The following CSNK1A1 variants were observed in gnomAD, a reference collection of about 807,000 sequenced individuals.
The protein encoded by CSNK1A1 is casein kinase 1 alpha 1.
A neutral mutation model predicts 46.1 loss-of-function variants in CSNK1A1; 7 were observed. The observed-to-expected ratio is 0.15, with a 90% confidence interval of 0.09 to 0.29. The LOEUF (loss-of-function observed/expected upper bound fraction) is 0.29, where lower values mean the gene tolerates loss of function less well. Ranked by LOEUF, CSNK1A1 falls within the 10% of genes least tolerant of loss-of-function variation. The pLI, the probability that CSNK1A1 is intolerant of heterozygous loss-of-function variation, is 1.00. For missense variants in CSNK1A1, 96 were observed against 417.1 expected, an observed-to-expected ratio of 0.23 and a Z score of 6.71; for synonymous variants, 137 against 141.5, an observed-to-expected ratio of 0.97 and a Z score of 0.23.
chr5:149,530,922 C>T (rs1205695287), intron 2 of CSNK1A1, among the ~76,000 whole-genome samples: 2 of 143,648 alleles, frequency 1.4e-5, no homozygotes, highest in East Asian at 2.1e-4. Flanking sequence ...GCTGAGATCT[C>T]GCCATTGCAC....
chr5:149,550,409 T>C lies in CSNK1A1; in HGVS notation c.124-228A>G, dbSNP rs1489245670. On this transcript the variant is annotated intron_variant, in intron 1 of 9. Coordinates refer to ENST00000377843, the MANE Select transcript of CSNK1A1 (RefSeq NM_001892.6). This position sits in a 1 kb window ranked among gnomAD's most constrained non-coding sequence, Gnocchi z 4.3. ...CTCTAAAGTGCAGGAAAATGATTCATCCAGAAAAAAGAGGCAACCTCTGAA... is the reference window on the plus strand; with the variant it reads ...CTCTAAAGTGCAGGAAAATGATTCACCCAGAAAAAAGAGGCAACCTCTGAA... 3.9e-6 allele frequency: 5 copies of C among 1,298,208 alleles called. No homozygotes were observed. The highest frequency in any genetic ancestry group is 3.0e-5 in the East Asian group (1 of 33,212). The allele number at this position is 1,298,208 out of a possible 1,614,324, so 80.4% of individuals were successfully genotyped here. A position where few individuals can be genotyped will look rare whatever the true frequency, so the allele number is the denominator to read the frequency against.
At chr5:149,543,321 G>C (rs568218025) in intron 2 of CSNK1A1, among the ~76,000 whole-genome samples, 3 of 152,214 alleles carry the variant, frequency 2.0e-5, no homozygotes, top group East Asian at 3.9e-4. Context: ...GTATTAGTAG[G>C]AATAGGGCTA....
chr5:149,499,975 T>TC (rs1372767922), intron 9 of CSNK1A1, among the ~76,000 whole-genome samples: 9 of 125,092 alleles, frequency 7.2e-5, no homozygotes, highest in African/African-American at 2.6e-4. Flanking sequence ...TTCTTTTTTT[T>TC]TTTTTTTTTT....
intron 9 of CSNK1A1, chr5:149,499,220 T>A: frequency 1.0e-6 from 1 of 981,250 alleles, no homozygotes; most frequent in Non-Finnish European, 1.2e-6. Context: ...AGGTGGCTCA[T>A]CCAGGCTTCC....
chr5:149,533,282 G>A lies in CSNK1A1; in HGVS notation c.231-8111C>T, dbSNP rs566526818. Among the ~76,000 whole-genome samples, 14 of 147,188 alleles carry A rather than the reference G, an allele frequency of 9.5e-5. No individual in the cohort carries two copies. In the South Asian group the frequency reaches 3.2e-3, roughly 33 times the overall value. On this transcript the variant is annotated intron_variant, in intron 2 of 9. Transcript: ENST00000377843. ...TGCTGCTTTCGTGGCTTATAGTGGG[G>A]AAGGGTGATAAACACCATGATGAAG... is the stretch of plus-strand genomic sequence containing the variant.
intron 3 of CSNK1A1, among the ~76,000 whole-genome samples, chr5:149,521,485 G>A (rs1025201465): frequency 1.3e-5 from 2 of 151,820 alleles, no homozygotes; most frequent in Non-Finnish European, 2.9e-5. Flanking sequence ...ACGGGATATC[G>A]TTATGTTGCC....
Position 149,520,317 on chromosome 5 carries a change from T to G in CSNK1A1, c.429A>C (p.Leu143=). Residue 143 remains leucine, a synonymous_variant, in exon 4 of 10, where the codon CTA becomes CTC. Coordinates refer to ENST00000377843, the MANE Select transcript of CSNK1A1 (RefSeq NM_001892.6). The stretch of plus-strand genomic sequence containing the variant: ...TATTACAGTGACGCCCAATACCCAT[T>G]AGGAAGTTATCTGGTTTAATGTCTC... ...IHRDIKPDNF[L]MGIGRHCNKL... 1 of 1,609,206 alleles carries G rather than the reference T, an allele frequency of 6.2e-7. No homozygotes were observed.
chr5:149,544,454 G>C (rs181235348), intron 2 of CSNK1A1, among the ~76,000 whole-genome samples: 2 of 151,868 alleles, frequency 1.3e-5, no homozygotes, highest in African/African-American at 4.8e-5. Context: ...CTTGAGCTCA[G>C]GAATGCAAGA....
rs147398316 is a variant in CSNK1A1, at chr5:149,498,214, T to C, written c.1007-1354A>G. The C allele has an allele frequency of 3.2e-4, 312 of 984,748 alleles. 2 individuals carry two copies. In the African/African-American group the frequency reaches 4.7e-3, roughly 15 times the overall value. The allele number at this position is 984,748 out of a possible 1,614,324, so 61.0% of individuals were successfully genotyped here. A position where few individuals can be genotyped will look rare whatever the true frequency, so the allele number is the denominator to read the frequency against. On this transcript the variant is annotated intron_variant, in intron 9 of 9. Transcript: ENST00000377843. ...AAATAATTCTAATATTTATTTCTTA[T>C]GCATATATGCCCCTTTTTTTTTTTG... is the stretch of plus-strand genomic sequence containing the variant.
In CSNK1A1 at chr5:149,545,927, C is replaced by T. The variant is rs369228424; in HGVS notation, c.230+4148G>A. ...TTTTTGATACGGAGCCTCATTCTGT[C>T]GCCCAGGCTGGAGTGCAGTGGCACG... On this transcript the variant is annotated intron_variant, in intron 2 of 9. Coordinates refer to ENST00000377843, the MANE Select transcript of CSNK1A1 (RefSeq NM_001892.6). 119 of 227,928 alleles carry T rather than the reference C, an allele frequency of 5.2e-4. 4 individuals carry two copies. The highest frequency in any genetic ancestry group is 4.3e-3 in the South Asian group (75 of 17,470). The allele number at this position is 227,928 out of a possible 1,614,324, so 14.1% of individuals were successfully genotyped here.
chr5:149,528,831 C>A (rs954070291), intron 2 of CSNK1A1, among the ~76,000 whole-genome samples: 1 of 152,150 alleles, frequency 6.6e-6, no homozygotes, highest in South Asian at 2.1e-4. Context: ...ATTTGAATAG[C>A]CTTTTCACAG....
At chr5:149,501,165 T>C (rs1476366523) in intron 9 of CSNK1A1, 58 of 985,294 alleles carry the variant, frequency 5.9e-5, no homozygotes, top group Non-Finnish European at 6.9e-5. Context: ...TCCAGCAGTC[T>C]TGGAGACATG....
chr5:149,548,520 T>C (rs986279358), intron 2 of CSNK1A1, among the ~76,000 whole-genome samples: 24 of 151,140 alleles, frequency 1.6e-4, no homozygotes, highest in Non-Finnish European at 3.1e-4. Context: ...TTAGCCAAGG[T>C]TGCGCCACTG....
intron 9 of CSNK1A1, chr5:149,498,500 G>C (rs1268986237): frequency 1.0e-6 from 1 of 985,190 alleles, no homozygotes; most frequent in Non-Finnish European, 1.2e-6. Flanking sequence ...TACAGGAAAA[G>C]TTTCAAGCTT....
chr5:149,494,343 T>C lies in CSNK1A1; in HGVS notation c.*2510A>G, dbSNP rs565636417. On this transcript the variant is annotated 3_prime_UTR_variant, in exon 10 of 10. Transcript: ENST00000377843. ...AGGAGATAACCAGTCTCTCCCTTCA[T>C]ATATATTCTTTTTTATTTCTTGTTA... The C allele has an allele frequency of 3.9e-5, 6 of 152,264 alleles. No individual in the cohort carries two copies. The South Asian group carries it at 1.0e-3, about 26-fold the overall frequency. The allele number at this position is 152,264 out of a possible 1,614,324, so 9.4% of individuals were successfully genotyped here. A position where few individuals can be genotyped will look rare whatever the true frequency, so the allele number is the denominator to read the frequency against.
chr5:149,497,249 C>T, intron 9 of CSNK1A1: 1 of 999,196 alleles, frequency 1.0e-6, no homozygotes, highest in Non-Finnish European at 1.2e-6. Flanking sequence ...TTTAATCCTA[C>T]CATAGGCACA....
At position 149,511,368 on chromosome 5, in the gene CSNK1A1, T is replaced by C. The variant is rs146354087; in HGVS notation, c.675+426A>G. Among the ~76,000 whole-genome samples, 801 of 128,206 alleles carry C rather than the reference T, an allele frequency of 6.2e-3. 10 individuals are homozygous for C. The Middle Eastern group carries it at 0.066, about 11-fold the overall frequency. 84.1% of individuals were successfully genotyped at this position (128,206 alleles called of 152,430 possible). A position where few individuals can be genotyped will look rare whatever the true frequency, so the allele number is the denominator to read the frequency against. ...AGGATACGGTGATTTATCATTAACATACACTCACAAAAGTAACAGTAAACT... is the reference window on the plus strand; with the variant it reads ...AGGATACGGTGATTTATCATTAACACACACTCACAAAAGTAACAGTAAACT... On this transcript the variant is annotated intron_variant, in intron 6 of 9. Transcript: ENST00000377843.
At chr5:149,522,885 T>C (rs1054162463) in intron 3 of CSNK1A1, among the ~76,000 whole-genome samples, 1 of 152,206 alleles carries the variant, frequency 6.6e-6, no homozygotes, top group African/African-American at 2.4e-5. Flanking sequence ...GACTAATTCT[T>C]ATTTTTTTGC....
rs113728568 is a variant in CSNK1A1 at position 149,507,325 on chromosome 5, T to C, written c.751-192A>G. Among the ~76,000 whole-genome samples, 122 of 152,300 alleles carry C rather than the reference T, an allele frequency of 8.0e-4. 2 individuals are homozygous for C. The highest frequency in any genetic ancestry group is 2.7e-3 in the African/African-American group (112 of 41,568). On this transcript the variant is annotated intron_variant, in intron 7 of 9. Transcript: ENST00000377843. Reference sequence around the variant, plus strand: ...AAATTTCATGACCCTACCTACCCTATTATGTACAATATTAGTAGAAGAAAT... The same window carrying C: ...AAATTTCATGACCCTACCTACCCTACTATGTACAATATTAGTAGAAGAAAT...
Sources: gnomAD v4.1 joint callset for allele counts (sites outside exome capture counted in the v4.1 genomes callset) on GRCh38, gnomAD v4.1.1 for gene constraint, Gnocchi (gnomAD v3.1) non-coding constraint, MANE v1.5 for transcripts, NCBI Gene and HGNC (gene_info 2026-07-23, HGNC 2026-07-21) for gene names.